Variants in DLC1 observed in about 807,000 individuals in gnomAD.
The protein encoded by DLC1 is DLC1 Rho GTPase activating protein, also known as rho GTPase-activating protein 7.
In DLC1, 54 loss-of-function variants were observed where a neutral mutation model predicts 140.3. That is an observed-to-expected ratio of 0.38 (90% CI 0.31 to 0.48). The LOEUF (loss-of-function observed/expected upper bound fraction) is 0.48, where lower values mean the gene tolerates loss of function less well. Among genes scored for constraint, DLC1 ranks in the 20% least tolerant of loss-of-function variants. The pLI is 0.96. For missense variants in DLC1, 2,536 were observed against 1,907.0 expected (o/e 1.33, Z -6.14); for synonymous variants, 986 against 728.1 (o/e 1.35, Z -5.70).
chr8:13,305,207 T>C (rs1832371827), intron 5 of DLC1, 62 bp downstream of exon 5: 1 of 1,591,224 alleles, frequency 6.3e-7, no homozygotes, highest in Non-Finnish European at 8.5e-7. Context: ...AAATGCCTAT[T>C]TTAAGGTGAA....
intron 2 of DLC1, among the ~76,000 whole-genome samples, chr8:13,424,427 T>G (rs1284876158): frequency 6.6e-6 from 1 of 151,984 alleles, no homozygotes; most frequent in East Asian, 1.9e-4. Flanking sequence ...AGGCAGAGGT[T>G]GCAGTGAGCA....
intron 2 of DLC1, among the ~76,000 whole-genome samples, chr8:13,447,530 C>G (rs111300516): frequency 4.6e-4 from 70 of 152,192 alleles, no homozygotes; most frequent in African/African-American, 1.5e-3. Context: ...CTCTCTGCCT[C>G]TAGAGCTTTG....
intron 2 of DLC1, among the ~76,000 whole-genome samples, chr8:13,492,846 G>A (rs998618085): frequency 6.6e-6 from 1 of 152,110 alleles, no homozygotes; most frequent in Non-Finnish European, 1.5e-5. Context: ...ATATATTTGA[G>A]CCCCAAATAT....
intron 1 of DLC1, 39 bp from the exon 2 acceptor site, chr8:13,500,235 G>A (rs551521387): frequency 1.9e-5 from 11 of 582,194 alleles, no homozygotes; most frequent in East Asian, 5.6e-5. Context: ...TCGCAGATAC[G>A]TTTCTAAAGT....
Position 13,100,564 on chromosome 8 carries a change from C to G in DLC1, c.1773G>C (p.Val591=). 1 of 1,613,488 alleles carries G rather than the reference C, an allele frequency of 6.2e-7. No homozygotes were observed. Residue 591 remains valine, a synonymous_variant, in exon 9 of 18, where the codon GTG becomes GTC. Coordinates refer to ENST00000276297, the MANE Select transcript of DLC1 (RefSeq NM_182643.3). ...TLMDLSERQE[V]SSVRSLSSTG... ...TGCTGCTGAGGCTGCGGACGGAAGACACCTCCTGGCGCTCGCTGAGGTCCA... is the reference window on the plus strand; with the variant it reads ...TGCTGCTGAGGCTGCGGACGGAAGAGACCTCCTGGCGCTCGCTGAGGTCCA...
intron 2 of DLC1, among the ~76,000 whole-genome samples, chr8:13,479,802 AAAGAAG>A (rs60625191): frequency 0.02 from 1,141 of 56,872 alleles, 44 homozygotes; most frequent in African/African-American, 0.031. Flanking sequence ...GAAAGAAAGA[AAAGAAG>A]AAGAAGAAGA....
At chr8:13,168,531 G>T (rs533324960) in intron 5 of DLC1, among the ~76,000 whole-genome samples, 1 of 152,096 alleles carries the variant, frequency 6.6e-6, no homozygotes, top group African/African-American at 2.4e-5. Flanking sequence ...CTTAAAATAC[G>T]TAGATTAATG....
At chr8:13,363,128 A>G (rs568828462) in intron 4 of DLC1, among the ~76,000 whole-genome samples, 22 of 152,232 alleles carry the variant, frequency 1.4e-4, no homozygotes, top group Non-Finnish European at 2.6e-4. Context: ...CATCACACAA[A>G]TATTTGTAAA....
At chr8:13,391,248 C>G (rs139128474) in intron 4 of DLC1, among the ~76,000 whole-genome samples, 33 of 152,122 alleles carry the variant, frequency 2.2e-4, no homozygotes, top group African/African-American at 8.0e-4. Flanking sequence ...AAGAGGAATA[C>G]TGTTGTGAAG....
intron 2 of DLC1, among the ~76,000 whole-genome samples, chr8:13,493,618 T>C (rs1801365787): frequency 6.6e-6 from 1 of 152,236 alleles, no homozygotes; most frequent in Non-Finnish European, 1.5e-5. Context: ...TTGTTAACTA[T>C]AGTTACAATA....
rs1432352741 is a variant in DLC1 at position 13,401,505 on chromosome 8, A to T, written c.1138T>A (p.Ser380Thr). Residue 380 changes from serine to threonine, a missense_variant, in exon 3 of 18, where the codon TCA (serine) becomes ACA (threonine). Transcript: ENST00000276297. ...ENALSTSSSP[S>T]GTPTNLRRHV... ...CGCCGCAGGTTTGTTGGTGTGCCTG[A>T]TGGAGAGGAGCTGGTGCTGAGGGCA... 5 of 1,612,856 alleles carry T rather than the reference A, an allele frequency of 3.1e-6. No homozygotes were observed. In the Admixed American group the frequency reaches 6.7e-5, roughly 22 times the overall value.
At chr8:13,593,138 G>A (rs1369121187) in intron 1 of DLC1, among the ~76,000 whole-genome samples, 1 of 152,094 alleles carries the variant, frequency 6.6e-6, no homozygotes, top group Non-Finnish European at 1.5e-5. Flanking sequence ...TGTTCCAGTT[G>A]ATAATTTTAA....
chr8:13,102,577 A>G (rs553794772), intron 8 of DLC1, among the ~76,000 whole-genome samples: 1 of 152,336 alleles, frequency 6.6e-6, no homozygotes, highest in African/African-American at 2.4e-5. Context: ...TGATCAGGTC[A>G]AAAACAATAG....
intron 3 of DLC1, among the ~76,000 whole-genome samples, chr8:13,398,040 A>C (rs925219717): frequency 1.3e-5 from 2 of 151,988 alleles, no homozygotes; most frequent in East Asian, 3.9e-4. Flanking sequence ...CTGAGGCAGG[A>C]GAATTGCTTG....
chr8:13,347,814 A>G (rs1834426315), intron 4 of DLC1, among the ~76,000 whole-genome samples: 1 of 152,178 alleles, frequency 6.6e-6, no homozygotes, highest in African/African-American at 2.4e-5. Flanking sequence ...TTAATCTTCC[A>G]GGGAAAGGGC....
At chr8:13,281,611 G>T (rs1246920685) in intron 5 of DLC1, among the ~76,000 whole-genome samples, 1 of 152,074 alleles carries the variant, frequency 6.6e-6, no homozygotes, top group Non-Finnish European at 1.5e-5. Flanking sequence ...TTACTGACAG[G>T]CCTGGTGATC....
chr8:13,346,914 G>C (rs994559197), intron 4 of DLC1, among the ~76,000 whole-genome samples: 1 of 152,182 alleles, frequency 6.6e-6, no homozygotes, highest in Non-Finnish European at 1.5e-5. Context: ...GTTACCTGTG[G>C]TCAACCGTGG....
intron 5 of DLC1, chr8:13,133,245 C>G: frequency 7.2e-7 from 1 of 1,381,990 alleles, no homozygotes; most frequent in Non-Finnish European, 9.3e-7. Context: ...CGGCCATGTC[C>G]TGGCTGGGAG....
At chr8:13,200,316 C>G (rs756814158) in intron 5 of DLC1, among the ~76,000 whole-genome samples, 11 of 152,042 alleles carry the variant, frequency 7.2e-5, no homozygotes, top group Admixed American at 6.6e-4. Flanking sequence ...CCCGCCTCGG[C>G]CTCCCAAAGT....
Sources: gnomAD v4.1 joint callset for allele counts (sites outside exome capture counted in the v4.1 genomes callset) on GRCh38, gnomAD v4.1.1 for gene constraint, MANE v1.5 for transcripts, NCBI Gene and HGNC (gene_info 2026-07-23, HGNC 2026-07-21) for gene names.